FYTTD1: variants seen among roughly 807,000 people sequenced by gnomAD.
FYTTD1 encodes forty-two-three domain containing 1.
In FYTTD1, 22 loss-of-function variants were observed where a neutral mutation model predicts 40.9. The observed-to-expected ratio is 0.54, with a 90% CI of 0.38 to 0.77. The LOEUF (loss-of-function observed/expected upper bound fraction) is 0.77, where lower values mean the gene tolerates loss of function less well. Ranked by LOEUF, FYTTD1 falls within the 30% of genes least tolerant of loss-of-function variation. The pLI is 0.00. For missense variants in FYTTD1, 351 were observed against 392.2 expected (o/e 0.90, Z 0.89); for synonymous variants, 140 against 137.9 (o/e 1.01, Z -0.10).
intron 1 of FYTTD1, chr3:197,750,602 G>GC: frequency 2.0e-6 from 2 of 985,374 alleles, no homozygotes; most frequent in Non-Finnish European, 2.4e-6. Flanking sequence ...GCCGGCGCCG[G>GC]CCATGGCTGC....
chr3:197,775,735 C>A (rs150176403), intron 6 of FYTTD1, among the ~76,000 whole-genome samples: 254 of 152,280 alleles, frequency 1.7e-3, no homozygotes, highest in Middle Eastern at 3.4e-3. Flanking sequence ...GAAACTGATA[C>A]AGGTGGTATT....
In FYTTD1 at chr3:197,786,102, C is replaced by CT. The variant is rs754267264; in HGVS notation, c.*4206dup. 665 of 131,206 alleles carry CT rather than the reference C, an allele frequency of 5.1e-3. 3 individuals carry two copies. The highest frequency in any genetic ancestry group is 8.8e-3 in the South Asian group (37 of 4,218). The allele number at this position is 131,206 out of a possible 1,614,324, so 8.1% of individuals were successfully genotyped here. ...ACAGTTTATTTTCTTTTTTCTTTTT[C>CT]TTTTTTTTTTTTTCTTTTTTTTCTT... On this transcript the variant is annotated 3_prime_UTR_variant, in exon 9 of 9. Coordinates refer to ENST00000241502, the MANE Select transcript of FYTTD1 (RefSeq NM_032288.7).
intron 2 of FYTTD1, chr3:197,763,651 A>G (rs751210600): frequency 2.4e-4 from 68 of 289,030 alleles, no homozygotes; most frequent in Non-Finnish European, 4.3e-4. Flanking sequence ...ACTGAGACTA[A>G]AAAGTTTGAG....
At chr3:197,752,988 C>T (rs973819386) in intron 1 of FYTTD1, among the ~76,000 whole-genome samples, 1 of 152,032 alleles carries the variant, frequency 6.6e-6, no homozygotes, top group African/African-American at 2.4e-5. Flanking sequence ...TTAGTACGTT[C>T]AAGTGAAGAA....
intron 2 of FYTTD1, among the ~76,000 whole-genome samples, chr3:197,766,460 T>TGTGTGTGTGTGTGTGTGTGTGTGTG (rs56732488): frequency 6.6e-5 from 10 of 150,730 alleles, no homozygotes; most frequent in South Asian, 2.1e-4. Context: ...TGTGTGTGTG[T>TGTGTGTGTGTGTGTGTGTGTGTGTG]TTGAGACAGG....
At chr3:197,757,986 C>G (rs951609277) in intron 2 of FYTTD1, among the ~76,000 whole-genome samples, 1 of 152,256 alleles carries the variant, frequency 6.6e-6, no homozygotes, top group African/African-American at 2.4e-5. Context: ...TCACTGCAGC[C>G]TCTGCCTCCC....
Position 197,786,733 on chromosome 3 carries a change from T to A in FYTTD1, c.*4824T>A, listed in dbSNP as rs1420196039. The A allele has an allele frequency of 6.6e-6, 1 of 152,170 alleles. No homozygotes were observed. The highest frequency in any genetic ancestry group is 1.5e-5 in the Non-Finnish European group (1 of 68,032). 9.4% of individuals were successfully genotyped at this position (152,170 alleles called of 1,614,324 possible). On this transcript the variant is annotated 3_prime_UTR_variant, in exon 9 of 9. Coordinates refer to ENST00000241502, the MANE Select transcript of FYTTD1 (RefSeq NM_032288.7). ...AATATATTCAGCAAATATTTAGAAT[T>A]AAATGTATTCAGCAAGGAAGAGAAT...
intron 8 of FYTTD1, among the ~76,000 whole-genome samples, chr3:197,780,136 C>T (rs1483931371): frequency 1.4e-5 from 2 of 143,380 alleles, no homozygotes; most frequent in Non-Finnish European, 1.5e-5. Context: ...CATCAGCACA[C>T]CTGGGGATAC....
intron 1 of FYTTD1, chr3:197,750,665 A>G: frequency 1.1e-5 from 11 of 985,428 alleles, no homozygotes; most frequent in Non-Finnish European, 1.3e-5. Flanking sequence ...CGTCTGTCAG[A>G]AAGGAAGCAG....
At position 197,749,954 on chromosome 3, in the gene FYTTD1, G is replaced by C; in HGVS notation, c.-18G>C. 2 of 1,544,668 alleles carry C rather than the reference G, an allele frequency of 1.3e-6. No individual in the cohort carries two copies. Among genetic ancestry groups the C allele is most frequent in the Non-Finnish European group, 1.8e-6 (2 of 1,141,580 alleles). ...TCCGGCCTTGTCCGCGCCCGCTCTC[G>C]GCGCGACGTCTCCAGCCATGAACCG... On this transcript the variant is annotated 5_prime_UTR_variant, in exon 1 of 9. Transcript: ENST00000241502.
Position 197,782,890 on chromosome 3 carries a change from C to T in FYTTD1, c.*981C>T, listed in dbSNP as rs1261662654. ...GACTTCTTATTTGAAGTTAAAATTT[C>T]TTATTTGAAAAGTTGAAATTTATGA... On this transcript the variant is annotated 3_prime_UTR_variant, in exon 9 of 9. Coordinates refer to ENST00000241502, the MANE Select transcript of FYTTD1 (RefSeq NM_032288.7). 1 of 152,312 alleles carries T rather than the reference C, an allele frequency of 6.6e-6. No homozygotes were observed. The highest frequency in any genetic ancestry group is 1.5e-5 in the Non-Finnish European group (1 of 67,990). 9.4% of individuals were successfully genotyped at this position (152,312 alleles called of 1,614,324 possible). A position where few individuals can be genotyped will look rare whatever the true frequency, so the allele number is the denominator to read the frequency against.
chr3:197,750,188 G>C, intron 1 of FYTTD1, 114 bp downstream of exon 1: 3 of 930,284 alleles, frequency 3.2e-6, no homozygotes, highest in Non-Finnish European at 4.6e-6. Context: ...GAGTTTTCTC[G>C]CTGGTGGGCG....
chr3:197,774,130 G>A lies in FYTTD1; in HGVS notation c.595-19G>A, dbSNP rs762275104. On this transcript the variant is annotated intron_variant, in intron 5 of 8. Coordinates refer to ENST00000241502, the MANE Select transcript of FYTTD1 (RefSeq NM_032288.7). ...TCCTCTGCTTTCTGTGGTACCTACT[G>A]CTTTTTTTTTCCCTTCAGGTGCAGG... 1 of 1,606,778 alleles carries A rather than the reference G, an allele frequency of 6.2e-7. No homozygotes were observed. Among genetic ancestry groups the A allele is most frequent in the Non-Finnish European group, 8.5e-7 (1 of 1,173,536 alleles).
intron 4 of FYTTD1, among the ~76,000 whole-genome samples, chr3:197,770,930 G>C (rs974877301): frequency 6.6e-6 from 1 of 152,178 alleles, no homozygotes; most frequent in South Asian, 2.1e-4. Context: ...AGTCTGGATG[G>C]CTCTTACTAG....
At chr3:197,749,636 G>T, upstream of FYTTD1, 4 of 961,128 alleles carry the variant, frequency 4.2e-6, no homozygotes, top group South Asian at 1.4e-5. Context: ...ATCACTGAAG[G>T]CATAAGATTC....
chr3:197,777,053 T>G lies in FYTTD1; in HGVS notation c.731+52T>G, dbSNP rs143872457. On this transcript the variant is annotated intron_variant, in intron 7 of 8. Transcript: ENST00000241502. ...AATTATAACCTCTCATTACATGAGA[T>G]CATAAGAAAGTATTGGACTTCTGCT... 25 of 1,091,402 alleles carry G rather than the reference T, an allele frequency of 2.3e-5. No individual in the cohort carries two copies. In the African/African-American group the frequency reaches 3.8e-4, roughly 17 times the overall value. 67.6% of individuals were successfully genotyped at this position (1,091,402 alleles called of 1,614,324 possible).
intron 1 of FYTTD1, among the ~76,000 whole-genome samples, chr3:197,751,275 C>A (rs1729031812): frequency 6.6e-6 from 1 of 152,230 alleles, no homozygotes; most frequent in Non-Finnish European, 1.5e-5. Context: ...GTGAACTAAG[C>A]AAATGATCAG....
intron 2 of FYTTD1, among the ~76,000 whole-genome samples, chr3:197,761,254 A>G (rs576927816): frequency 2.1e-4 from 32 of 152,034 alleles, no homozygotes; most frequent in African/African-American, 7.7e-4. Context: ...GAATGTATAG[A>G]GTTGTTCTTC....
At chr3:197,752,672 CTT>C (rs1729098278) in intron 1 of FYTTD1, among the ~76,000 whole-genome samples, 1 of 150,720 alleles carries the variant, frequency 6.6e-6, no homozygotes, top group Non-Finnish European at 1.5e-5. Context: ...GTATATATGG[CTT>C]TGTTATTTTT....
Sources: gnomAD v4.1 joint callset for allele counts (sites outside exome capture counted in the v4.1 genomes callset) on GRCh38, gnomAD v4.1.1 for gene constraint, MANE v1.5 for transcripts, NCBI Gene and HGNC (gene_info 2026-07-23, HGNC 2026-07-21) for gene names.